IFT46: variants seen among roughly 807,000 people sequenced by gnomAD.
IFT46 encodes the protein intraflagellar transport protein 46 homolog.
In IFT46, 19 loss-of-function variants were observed where a neutral mutation model predicts 39.6. The ratio of observed to expected loss-of-function variants is 0.48; its 90% CI spans 0.33 to 0.70. The LOEUF (loss-of-function observed/expected upper bound fraction) is 0.70. IFT46 is among the 30% of genes least tolerant of loss of function. The pLI, the probability that IFT46 is intolerant of heterozygous loss-of-function variation, is 0.01. For missense variants in IFT46, 334 were observed against 364.8 expected (o/e 0.92, Z 0.69); for synonymous variants, 117 against 134.8 (o/e 0.87, Z 0.91).
At chr11:118,566,236 TC>T (rs1403900498), upstream of IFT46, among the ~76,000 whole-genome samples, 1 of 152,178 alleles carries the variant, frequency 6.6e-6, no homozygotes, top group Non-Finnish European at 1.5e-5. Flanking sequence ...TGCTCCCAGA[TC>T]AGTCTTACCA....
intron 7 of IFT46, among the ~76,000 whole-genome samples, chr11:118,553,890 G>A (rs1170160606): frequency 6.6e-6 from 1 of 152,072 alleles, no homozygotes; most frequent in Non-Finnish European, 1.5e-5. Flanking sequence ...TTTTTGAGGT[G>A]ATGAAATATT....
rs1555068512 is a variant in IFT46, at chr11:118,551,781, C to A, written c.672+5G>T. On this transcript the variant is annotated splice_donor_5th_base_variant and intron_variant, in intron 9 of 11. Transcript: ENST00000264021. ...TTACCCTACCTCCTGCTACCTTCCA[C>A]TCACCTTGCCCAAAAGCTCTTCAAA... 1 of 1,613,148 alleles carries A rather than the reference C, an allele frequency of 6.2e-7. No individual in the cohort carries two copies. The highest frequency in any genetic ancestry group is 1.3e-5 in the African/African-American group (1 of 74,996).
intron 3 of IFT46, 118 bp from the exon 4 acceptor site, chr11:118,557,163 G>A: frequency 1.1e-6 from 1 of 922,368 alleles, no homozygotes; most frequent in Non-Finnish European, 1.5e-6. Flanking sequence ...TCACCAGAAA[G>A]AGAAGGGGGC....
At chr11:118,546,508 G>A in intron 9 of IFT46, 2 of 215,866 alleles carry the variant, frequency 9.3e-6, no homozygotes, top group Non-Finnish European at 1.9e-5. Context: ...AAGGAAGGGA[G>A]GGAGGGAATC....
At chr11:118,574,533 C>G (rs569332578), upstream of IFT46, among the ~76,000 whole-genome samples, 24 of 151,620 alleles carry the variant, frequency 1.6e-4, no homozygotes, top group Non-Finnish European at 2.2e-4. Context: ...ATCATCCATC[C>G]ATCCCTCTCT....
intron 2 of IFT46, chr11:118,561,159 A>C (rs781901666): frequency 1.0e-4 from 145 of 1,439,494 alleles, no homozygotes; most frequent in Non-Finnish European, 1.3e-4. Flanking sequence ...ACTGGCAATA[A>C]AGTTTTTGGC....
intron 2 of IFT46, among the ~76,000 whole-genome samples, chr11:118,563,757 CAAACT>C (rs1171883076): frequency 6.6e-6 from 1 of 152,188 alleles, no homozygotes; most frequent in Non-Finnish European, 1.5e-5. Flanking sequence ...TTCAGGTCCT[CAAACT>C]AAGCCAAGTT....
rs1486472674 is a variant in IFT46, at chr11:118,558,921, AAAAC to A, written c.45+860_45+863del. Among the ~76,000 whole-genome samples the A allele has an allele frequency of 3.3e-5, 5 of 149,652 alleles. No individual in the cohort carries two copies. The East Asian group carries it at 6.0e-4, about 18-fold the overall frequency. On this transcript the variant is annotated intron_variant, in intron 3 of 11. Coordinates refer to ENST00000264021, the MANE Select transcript of IFT46 (RefSeq NM_001168618.2). ...GAGCAAGACTCTGTCTCAAAAAAAA[AAAAC>A]AAACAAAAAAAACAGGCTGGGCACA...
intron 2 of IFT46, chr11:118,560,580 G>A: frequency 3.0e-6 from 1 of 331,334 alleles, no homozygotes. Flanking sequence ...TTCATACTAA[G>A]AGTGGGTTTG....
At chr11:118,555,507 ATC>A (rs1309071159) in intron 4 of IFT46, 185 bp from the exon 5 acceptor site, 8 of 526,492 alleles carry the variant, frequency 1.5e-5, no homozygotes, top group Admixed American at 3.4e-5. Context: ...ACTCTCAATT[ATC>A]TCTGACTCTG....
intron 9 of IFT46, among the ~76,000 whole-genome samples, chr11:118,551,115 A>AT (rs1338085133): frequency 6.6e-6 from 1 of 150,622 alleles, no homozygotes; most frequent in Non-Finnish European, 1.5e-5. Context: ...AAAGTTAATG[A>AT]AATCCTAGCA....
intron 10 of IFT46, 50 bp downstream of exon 10, chr11:118,545,743 A>G (rs1555066919): frequency 5.8e-6 from 9 of 1,563,992 alleles, no homozygotes; most frequent in Non-Finnish European, 7.9e-6. Context: ...CCAAAAGCCT[A>G]GAGTGTCTCT....
intron 3 of IFT46, among the ~76,000 whole-genome samples, chr11:118,558,541 G>T (rs1937919977): frequency 6.6e-6 from 1 of 152,074 alleles, no homozygotes; most frequent in Admixed American, 6.5e-5. Context: ...GTTGCAGCGA[G>T]CTGAGGTCAT....
exon 1 of IFT46, chr11:118,572,666 C>T: frequency 7.3e-7 from 1 of 1,375,724 alleles, no homozygotes; most frequent in Non-Finnish European, 1.0e-6. Context: ...GGGCAGAGTG[C>T]TTTTGCTCCG....
At chr11:118,566,482 G>C (rs1345535894), upstream of IFT46, among the ~76,000 whole-genome samples, 1 of 151,914 alleles carries the variant, frequency 6.6e-6, no homozygotes, top group East Asian at 1.9e-4. Context: ...CACGAGGTCA[G>C]GAGATCGAGA....
intron 9 of IFT46, chr11:118,546,299 A>T: frequency 1.6e-6 from 1 of 628,062 alleles, no homozygotes; most frequent in South Asian, 1.9e-5. Flanking sequence ...GGAGTTCGAG[A>T]CCAGCCTGGG....
At chr11:118,554,195 C>T (rs1253450223) in intron 7 of IFT46, among the ~76,000 whole-genome samples, 2 of 151,382 alleles carry the variant, frequency 1.3e-5, no homozygotes, top group East Asian at 1.9e-4. Context: ...GGACTACAGG[C>T]GCCCGCCACT....
At chr11:118,573,122 CA>C (rs577265065), upstream of IFT46, among the ~76,000 whole-genome samples, 25 of 152,296 alleles carry the variant, frequency 1.6e-4, 1 homozygote, top group South Asian at 5.0e-3. Flanking sequence ...GTATAGGACC[CA>C]AGTGTCTCTG....
chr11:118,553,301 C>T (rs1376102710), intron 7 of IFT46, among the ~76,000 whole-genome samples: 1 of 151,430 alleles, frequency 6.6e-6, no homozygotes, highest in Non-Finnish European at 1.5e-5. Context: ...ATCAGCTGGG[C>T]GTGGTGGTGC....
Sources: gnomAD v4.1 joint callset for allele counts (sites outside exome capture counted in the v4.1 genomes callset) on GRCh38, gnomAD v4.1.1 for gene constraint, MANE v1.5 for transcripts, NCBI Gene and HGNC (gene_info 2026-07-23, HGNC 2026-07-21) for gene names.